The following EXT1 variants were observed in gnomAD, a reference collection of about 807,000 sequenced individuals.
EXT1 encodes the protein exostosin glycosyltransferase 1.
A neutral mutation model predicts 82.5 loss-of-function variants in EXT1; 20 were observed. That is an observed-to-expected ratio of 0.24 (90% CI 0.17 to 0.35). The LOEUF (loss-of-function observed/expected upper bound fraction) is 0.35. Ranked by LOEUF, EXT1 falls within the 10% of genes least tolerant of loss-of-function variation. The pLI, the probability that EXT1 is intolerant of heterozygous loss-of-function variation, is 1.00. For missense variants in EXT1, 757 were observed against 936.5 expected, an observed-to-expected ratio of 0.81 and a Z score of 2.50; for synonymous variants, 348 against 350.8, an observed-to-expected ratio of 0.99 and a Z score of 0.09.
chr8:117,832,946 C>A (rs1812125961), intron 3 of EXT1, among the ~76,000 whole-genome samples: 1 of 151,990 alleles, frequency 6.6e-6, no homozygotes, highest in South Asian at 2.1e-4. Flanking sequence ...TGTATGGTAG[C>A]AAAACAAATG....
At chr8:117,806,932 G>C (rs1823247165) in intron 9 of EXT1, among the ~76,000 whole-genome samples, 2 of 152,124 alleles carry the variant, frequency 1.3e-5, no homozygotes, top group South Asian at 4.1e-4. Context: ...ATTTACTTTT[G>C]TTGTTGTTAT....
At chr8:117,963,890 T>C (rs943963607) in intron 1 of EXT1, among the ~76,000 whole-genome samples, 1 of 152,212 alleles carries the variant, frequency 6.6e-6, no homozygotes, top group African/African-American at 2.4e-5. Flanking sequence ...GGATGATGTG[T>C]GTGTTTGTTT....
chr8:117,844,212 G>A (rs1812318085), intron 1 of EXT1, among the ~76,000 whole-genome samples: 1 of 151,296 alleles, frequency 6.6e-6, no homozygotes, highest in Non-Finnish European at 1.5e-5. Context: ...CAGTGCAGTG[G>A]TGAGATCACA....
intron 1 of EXT1, among the ~76,000 whole-genome samples, chr8:117,989,567 G>A (rs1815393241): frequency 6.6e-6 from 1 of 152,086 alleles, no homozygotes; most frequent in African/African-American, 2.4e-5. Context: ...CCTCTCATGG[G>A]GAAGAACAAC....
intron 1 of EXT1, among the ~76,000 whole-genome samples, chr8:117,955,068 C>T (rs1365758387): frequency 2.0e-5 from 3 of 152,148 alleles, no homozygotes; most frequent in African/African-American, 7.2e-5. Flanking sequence ...AAACAGCTTA[C>T]TATTACTGAT....
intron 1 of EXT1, among the ~76,000 whole-genome samples, chr8:117,924,688 G>T (rs1399919046): frequency 6.6e-6 from 1 of 152,206 alleles, no homozygotes; most frequent in Admixed American, 6.5e-5. Context: ...GGGCAGAAAA[G>T]CAAGAGGAAG....
At chr8:118,042,331 T>C (rs1433077913) in intron 1 of EXT1, among the ~76,000 whole-genome samples, 1 of 152,198 alleles carries the variant, frequency 6.6e-6, no homozygotes, top group Non-Finnish European at 1.5e-5. Context: ...TCTTGCCCTG[T>C]TGCCCAGGCT....
At chr8:117,953,596 TGA>T (rs1221418946) in intron 1 of EXT1, among the ~76,000 whole-genome samples, 4 of 151,980 alleles carry the variant, frequency 2.6e-5, no homozygotes. Flanking sequence ...GCCAAATTAC[TGA>T]GAGTGAATGA....
At chr8:118,023,956 G>T (rs1198945362) in intron 1 of EXT1, among the ~76,000 whole-genome samples, 6 of 152,224 alleles carry the variant, frequency 3.9e-5, no homozygotes, top group African/African-American at 1.2e-4. Flanking sequence ...TGTGCCACAT[G>T]CTGGGAATAC....
At chr8:118,052,972 A>G (rs1316671738) in intron 1 of EXT1, among the ~76,000 whole-genome samples, 1 of 152,164 alleles carries the variant, frequency 6.6e-6, no homozygotes, top group Non-Finnish European at 1.5e-5. Flanking sequence ...TGGGGACACA[A>G]TGCAGCCGGC....
intron 1 of EXT1, among the ~76,000 whole-genome samples, chr8:117,870,823 T>TCACACA (rs59973422): frequency 0.12 from 17,136 of 146,672 alleles, 1,301 homozygotes; most frequent in East Asian, 0.35. Context: ...AAATGCTTTG[T>TCACACA]CACACACACA....
intron 1 of EXT1, among the ~76,000 whole-genome samples, chr8:117,983,031 C>T (rs898771259): frequency 6.6e-6 from 1 of 152,134 alleles, no homozygotes; most frequent in African/African-American, 2.4e-5. Context: ...TTCTTCAAGG[C>T]CAATAAATTA....
At chr8:117,888,348 A>G (rs1447556154) in intron 1 of EXT1, among the ~76,000 whole-genome samples, 1 of 152,168 alleles carries the variant, frequency 6.6e-6, no homozygotes, top group South Asian at 2.1e-4. Flanking sequence ...TTACATTCAT[A>G]TAGATTCATG....
intron 1 of EXT1, among the ~76,000 whole-genome samples, chr8:117,995,143 G>A (rs1815510409): frequency 6.6e-6 from 1 of 152,162 alleles, no homozygotes; most frequent in Non-Finnish European, 1.5e-5. Context: ...CTTAAAAATA[G>A]ATGGAGCTTT....
chr8:117,824,786 A>G (rs1369184292), intron 4 of EXT1, among the ~76,000 whole-genome samples: 1 of 152,194 alleles, frequency 6.6e-6, no homozygotes, highest in East Asian at 1.9e-4. Context: ...TTTCCATGCA[A>G]AGCAATGAAC....
intron 8 of EXT1, among the ~76,000 whole-genome samples, chr8:117,811,614 T>C (rs1823324933): frequency 6.7e-6 from 1 of 150,158 alleles, no homozygotes. Context: ...AAAGCATCTA[T>C]GGAATTTTTT....
At chr8:117,918,751 A>G (rs1360230691) in intron 1 of EXT1, among the ~76,000 whole-genome samples, 1 of 152,224 alleles carries the variant, frequency 6.6e-6, no homozygotes, top group African/African-American at 2.4e-5. Flanking sequence ...GAGTGACCCC[A>G]GCAGATGCCA....
At chr8:117,871,881 G>A (rs147814236) in intron 1 of EXT1, among the ~76,000 whole-genome samples, 12 of 152,206 alleles carry the variant, frequency 7.9e-5, no homozygotes, top group East Asian at 5.8e-4. Flanking sequence ...TCCTAGCACC[G>A]TGGGAGGCTG....
rs2129749069 is a variant in EXT1 at position 117,822,482 on chromosome 8, T to G, written c.1400A>C (p.Tyr467Ser). Residue 467 changes from tyrosine (Y) to serine (S), a missense_variant, in exon 5 of 11, where the codon TAC (tyrosine) becomes TCC (serine). By Grantham distance (144) the Tyr-to-Ser change is moderately radical. This residue lies in a region of EXT1 where 207 missense variants were observed against 224.2 expected (regional missense o/e 0.92). Coordinates refer to ENST00000378204, the MANE Select transcript of EXT1 (RefSeq NM_000127.3). ...TCACTTACCTAAATTAGCATAGTAGTAAGGAAAATCTCCCAGATAAGATGA... is the reference window on the plus strand; with the variant it reads ...TCACTTACCTAAATTAGCATAGTAGGAAGGAAAATCTCCCAGATAAGATGA... ...QYSSYLGDFPYYYANLGLKPP... is the reference protein window; with the variant it reads ...QYSSYLGDFPSYYANLGLKPP... 6.2e-7 allele frequency: 1 copy of G among 1,613,314 alleles called. No homozygotes were observed. Among genetic ancestry groups the G allele is most frequent in the South Asian group, 1.1e-5 (1 of 91,080 alleles).
Sources: gnomAD v4.1 joint callset for allele counts (sites outside exome capture counted in the v4.1 genomes callset) on GRCh38, gnomAD v4.1.1 for gene constraint, gnomAD v4.1.1 regional missense constraint, MANE v1.5 for transcripts, NCBI Gene and HGNC (gene_info 2026-07-23, HGNC 2026-07-21) for gene names.